CFAP47: variants seen among roughly 807,000 people sequenced by gnomAD.
The protein encoded by CFAP47 is cilia and flagella associated protein 47, also known as cilia- and flagella-associated protein 47.
Under a neutral mutation model 148.1 loss-of-function variants are expected in CFAP47, and 29 were observed. The ratio of observed to expected loss-of-function variants is 0.20; its 90% CI spans 0.15 to 0.27. CFAP47 has a LOEUF of 0.27. CFAP47 is among the 10% of genes least tolerant of loss of function. The pLI is 1.00. For missense variants in CFAP47, 1,872 were observed against 1,697.5 expected (o/e 1.10, Z -1.81); for synonymous variants, 664 against 577.3 (o/e 1.15, Z -2.15).
chrX:35,959,653 A>T (rs987563821), intron 8 of CFAP47, among the ~76,000 whole-genome samples: 1 of 110,788 alleles, frequency 9.0e-6, no homozygotes, highest in Non-Finnish European at 1.9e-5. Flanking sequence ...CTAAAAATAC[A>T]AATATTAGCT....
At chrX:36,145,091 G>A in intron 35 of CFAP47, 128 bp from the exon 36 acceptor site, 19 of 348,459 alleles carry the variant, frequency 5.5e-5, no homozygotes, top group Non-Finnish European at 7.9e-5. Context: ...GTGTGTGTGT[G>A]TGTGTGTGTG....
chrX:36,242,866 G>T (rs1940563088), intron 48 of CFAP47, among the ~76,000 whole-genome samples: 2 of 111,301 alleles, frequency 1.8e-5, no homozygotes, highest in Admixed American at 9.5e-5. Flanking sequence ...CTATCCCAAA[G>T]GCACATGCTC....
chrX:36,123,583 A>G (rs1346595434), intron 33 of CFAP47, among the ~76,000 whole-genome samples: 1 of 111,492 alleles, frequency 9.0e-6, no homozygotes, highest in Non-Finnish European at 1.9e-5. Context: ...ACAGGCTCAC[A>G]GTGAGTACTG....
At chrX:35,924,427 A>G (rs984310708) in intron 1 of CFAP47, among the ~76,000 whole-genome samples, 1 of 106,074 alleles carries the variant, frequency 9.4e-6, no homozygotes, top group Non-Finnish European at 1.9e-5. Context: ...ATGCACACAT[A>G]TGTGTATATA....
intron 46 of CFAP47, among the ~76,000 whole-genome samples, chrX:36,233,988 G>A (rs1481616607): frequency 2.7e-5 from 3 of 111,323 alleles, no homozygotes; most frequent in Non-Finnish European, 3.8e-5. Flanking sequence ...GAGATCCACT[G>A]TTAGTCTGAT....
intron 49 of CFAP47, among the ~76,000 whole-genome samples, chrX:36,263,124 T>C (rs1465918599): frequency 8.9e-6 from 1 of 112,226 alleles, no homozygotes; most frequent in Admixed American, 9.4e-5. Flanking sequence ...CCTTGTCTGA[T>C]GTGTAGTTTG....
At chrX:36,008,636 G>A (rs1395358771) in intron 21 of CFAP47, among the ~76,000 whole-genome samples, 1 of 109,639 alleles carries the variant, frequency 9.1e-6, no homozygotes, top group Non-Finnish European at 1.9e-5. Context: ...CGGGCATGGT[G>A]ATGCTCACCT....
chrX:36,243,647 G>GTGTGTGTA (rs1179341078), intron 48 of CFAP47, among the ~76,000 whole-genome samples: 1 of 64,232 alleles, frequency 1.6e-5, no homozygotes, highest in African/African-American at 4.2e-5. Context: ...ATATGTGTGT[G>GTGTGTGTA]TATATATATA....
At chrX:36,328,842 CA>C (rs1941541336) in intron 57 of CFAP47, among the ~76,000 whole-genome samples, 1 of 101,118 alleles carries the variant, frequency 9.9e-6, no homozygotes, top group East Asian at 3.2e-4. Flanking sequence ...AAAAGAAAAG[CA>C]AAATTGGAAG....
chrX:35,928,146 ATTTT>A (rs1187882503), intron 2 of CFAP47, among the ~76,000 whole-genome samples: 2 of 109,478 alleles, frequency 1.8e-5, no homozygotes, highest in East Asian at 5.6e-4. Flanking sequence ...ATAAGTTTTT[ATTTT>A]TTCTGGGATA....
At chrX:36,044,017 G>A (rs1437880369) in intron 25 of CFAP47, among the ~76,000 whole-genome samples, 1 of 113,004 alleles carries the variant, frequency 8.8e-6, no homozygotes, top group Non-Finnish European at 1.9e-5. Context: ...CGATGTGGAA[G>A]CCACCAAGGC....
Position 36,305,880 on chromosome X carries a change from G to A in CFAP47, c.8083-892G>A, listed in dbSNP as rs186640815. Among the ~76,000 whole-genome samples, 224 of 111,579 alleles carry A rather than the reference G, an allele frequency of 2.0e-3. 1 individual carries two copies. The highest frequency in any genetic ancestry group is 6.8e-3 in the African/African-American group (211 of 30,871). On this transcript the variant is annotated intron_variant, in intron 54 of 63. Coordinates refer to ENST00000378653, the MANE Select transcript of CFAP47 (RefSeq NM_001304548.2). ...AAGCCAGCCTGAGATAAAAATATTA[G>A]ATGTAGATAAGCTACAATTGTGTAA...
intron 24 of CFAP47, among the ~76,000 whole-genome samples, chrX:36,038,344 T>A (rs954755937): frequency 8.9e-6 from 1 of 112,100 alleles, no homozygotes. Flanking sequence ...GATTTCGATG[T>A]GAAAGGGTAT....
intron 57 of CFAP47, among the ~76,000 whole-genome samples, chrX:36,334,400 T>G (rs995703195): frequency 2.7e-5 from 3 of 111,784 alleles, no homozygotes; most frequent in Admixed American, 9.6e-5. Context: ...CAGATATCCT[T>G]TTTTATCAGT....
rs1364908398 is a variant in CFAP47 at position 36,039,110 on chromosome X, T to G, written c.3938T>G (p.Phe1313Cys). ...PELLFDPPFI[F>C]FTPVPLDITT... ...TTATTGTTTGACCCTCCATTTATATTTTTCACTCCTGTTCCTTTGGATATA... is the reference window on the plus strand; with the variant it reads ...TTATTGTTTGACCCTCCATTTATATGTTTCACTCCTGTTCCTTTGGATATA... Residue 1313 changes from phenylalanine (F) to cysteine (C), a missense_variant, in exon 25 of 64, where the codon TTT (phenylalanine) becomes TGT (cysteine). Phe to Cys is a radical substitution (Grantham distance 205). Coordinates refer to ENST00000378653, the MANE Select transcript of CFAP47 (RefSeq NM_001304548.2). 9.0e-7 allele frequency: 1 copy of G among 1,106,539 alleles called. No homozygotes were observed. Among genetic ancestry groups the G allele is most frequent in the Admixed American group, 2.6e-5 (1 of 38,119 alleles). The allele number at this position is 1,106,539 out of a possible 1,213,427, so 91.2% of individuals were successfully genotyped here.
intron 8 of CFAP47, among the ~76,000 whole-genome samples, chrX:35,959,997 TA>T (rs1387064614): frequency 2.7e-5 from 3 of 110,549 alleles, no homozygotes; most frequent in Non-Finnish European, 5.7e-5. Context: ...GTCACATATA[TA>T]AAAAAACCAA....
At chrX:36,329,463 A>G (rs914598472) in intron 57 of CFAP47, among the ~76,000 whole-genome samples, 59 of 111,977 alleles carry the variant, frequency 5.3e-4, no homozygotes, top group African/African-American at 1.4e-3. Flanking sequence ...TCTAAATGCA[A>G]TGTGAAATCT....
intron 39 of CFAP47, among the ~76,000 whole-genome samples, chrX:36,161,885 A>G (rs1008876025): frequency 8.9e-6 from 1 of 112,182 alleles, no homozygotes; most frequent in African/African-American, 3.2e-5. Flanking sequence ...GGTGCATGTA[A>G]GAGAGAATAT....
At chrX:36,110,888 G>A (rs1212746359) in intron 33 of CFAP47, among the ~76,000 whole-genome samples, 3 of 111,570 alleles carry the variant, frequency 2.7e-5, no homozygotes, top group Non-Finnish European at 3.8e-5. Flanking sequence ...TTACATTCCT[G>A]ATTTGGCTCT....
Sources: allele counts gnomAD v4.1 joint callset (sites outside exome capture counted in the v4.1 genomes callset), GRCh38; gene constraint gnomAD v4.1.1; transcripts MANE v1.5; gene names NCBI Gene and HGNC (gene_info 2026-07-23, HGNC 2026-07-21).